The following CTH variants were observed in gnomAD, a reference collection of about 807,000 sequenced individuals.
CTH encodes cystathionine gamma-lyase.
CTH carries 41 observed loss-of-function variants against 50.6 expected under a neutral mutation model. The observed-to-expected ratio is 0.81, with a 90% confidence interval of 0.63 to 1.05. CTH has a LOEUF of 1.05. Ranked by LOEUF, CTH falls within the 50% of genes least tolerant of loss-of-function variation. The pLI, the probability that CTH is intolerant of heterozygous loss-of-function variation, is 0.00. For missense variants in CTH, 470 were observed against 492.6 expected, an observed-to-expected ratio of 0.95 and a Z score of 0.43; for synonymous variants, 156 against 168.9, an observed-to-expected ratio of 0.92 and a Z score of 0.59.
At chr1:70,432,283 A>G (rs369281459) in intron 8 of CTH, 48 bp downstream of exon 8, 2 of 1,599,618 alleles carry the variant, frequency 1.3e-6, no homozygotes, top group African/African-American at 2.7e-5. Flanking sequence ...TTCAGCAGTT[A>G]TCCTGAGCAT....
intron 9 of CTH, among the ~76,000 whole-genome samples, chr1:70,434,167 G>A (rs1399790548): frequency 6.6e-6 from 1 of 152,224 alleles, no homozygotes; most frequent in Non-Finnish European, 1.5e-5. Context: ...ACTACAATCA[G>A]TTTGGAGACA....
Position 70,435,182 on chromosome 1 carries a change from G to A in CTH, c.1052+5G>A, listed in dbSNP as rs752285285. 6 of 1,611,736 alleles carry A rather than the reference G, an allele frequency of 3.7e-6. No homozygotes were observed. The highest frequency in any genetic ancestry group is 5.1e-6 in the Non-Finnish European group (6 of 1,178,660). On this transcript the variant is annotated splice_donor_5th_base_variant and intron_variant, in intron 10 of 11. Coordinates refer to ENST00000370938, the MANE Select transcript of CTH (RefSeq NM_001902.6). ...CGAAAGCCTTGCTGAGCTTCCGTAA[G>A]TATAGTTCTGTTTTTCTCAGTATTT...
intron 5 of CTH, 46 bp downstream of exon 5, chr1:70,424,462 A>T (rs943778889): frequency 6.2e-7 from 1 of 1,611,282 alleles, no homozygotes; most frequent in Non-Finnish European, 8.5e-7. Flanking sequence ...GACCACATAT[A>T]TCTGTAATTA....
At chr1:70,421,530 G>A (rs758744333) in intron 3 of CTH, 36 bp from the exon 4 acceptor site, 1 of 1,597,670 alleles carries the variant, frequency 6.3e-7, no homozygotes, top group Admixed American at 1.7e-5. Context: ...TTAATGCAAT[G>A]TTCTTTTCAT....
At chr1:70,433,180 A>G (rs753736378) in intron 8 of CTH, among the ~76,000 whole-genome samples, 7 of 152,198 alleles carry the variant, frequency 4.6e-5, no homozygotes, top group Non-Finnish European at 1.0e-4. Flanking sequence ...TCTAGAATAT[A>G]TAGAAAAATT....
chr1:70,439,637 A>T lies in CTH; in HGVS notation c.*510A>T, dbSNP rs188241304. 6.3e-6 allele frequency: 1 copy of T among 158,784 alleles called. No homozygotes were observed. The highest frequency in any genetic ancestry group is 1.4e-5 in the Non-Finnish European group (1 of 72,416). 9.8% of individuals were successfully genotyped at this position (158,784 alleles called of 1,614,324 possible). On this transcript the variant is annotated 3_prime_UTR_variant, in exon 12 of 12. Transcript: ENST00000370938. The stretch of plus-strand genomic sequence containing the variant: ...TGAAATTCTACTGATTTAAGACTAT[A>T]CTTAATATTTTTAAAAAAATAAATC...
At chr1:70,411,935 A>G (rs936459675) in intron 1 of CTH, among the ~76,000 whole-genome samples, 1 of 152,244 alleles carries the variant, frequency 6.6e-6, no homozygotes, top group Non-Finnish European at 1.5e-5. Context: ...TCAGCTTAAA[A>G]AATATTAAGG....
At chr1:70,424,481 AGG>A (rs1684302525) in intron 5 of CTH, 65 bp downstream of exon 5, 1 of 1,605,528 alleles carries the variant, frequency 6.2e-7, no homozygotes, top group East Asian at 2.2e-5. Flanking sequence ...TAGGAAAGAA[AGG>A]ACTTGCTTAA....
intron 5 of CTH, among the ~76,000 whole-genome samples, chr1:70,428,138 A>G (rs2101747632): frequency 6.6e-6 from 1 of 152,348 alleles, no homozygotes; most frequent in East Asian, 1.9e-4. Context: ...ACAGACAGAC[A>G]TATATAGCAT....
At chr1:70,417,694 A>G (rs1684123975) in intron 2 of CTH, among the ~76,000 whole-genome samples, 1 of 152,244 alleles carries the variant, frequency 6.6e-6, no homozygotes, top group Non-Finnish European at 1.5e-5. Context: ...GAGAAATATT[A>G]TTACCAAGGC....
At chr1:70,427,211 G>C (rs148442562) in intron 5 of CTH, among the ~76,000 whole-genome samples, 16 of 152,014 alleles carry the variant, frequency 1.1e-4, no homozygotes, top group Admixed American at 1.0e-3. Flanking sequence ...TAAGTCTCAC[G>C]AAAGGCAAAA....
chr1:70,413,396 T>C (rs1684016053), intron 1 of CTH, among the ~76,000 whole-genome samples: 1 of 151,854 alleles, frequency 6.6e-6, no homozygotes, highest in African/African-American at 2.4e-5. Flanking sequence ...CCTAAGTAGC[T>C]GGGATTACAG....
chr1:70,430,731 C>T (rs573576122), intron 7 of CTH, among the ~76,000 whole-genome samples: 187 of 151,436 alleles, frequency 1.2e-3, no homozygotes, highest in African/African-American at 4.3e-3. Flanking sequence ...TTAGTAGAGA[C>T]GGGGTTTCAC....
At chr1:70,432,833 G>A (rs189724987) in intron 8 of CTH, among the ~76,000 whole-genome samples, 25 of 151,962 alleles carry the variant, frequency 1.6e-4, no homozygotes, top group Admixed American at 1.2e-3. Context: ...ACAGGTGCCC[G>A]CCACCACGCC....
chr1:70,423,285 G>T lies in CTH; in HGVS notation c.457-1000G>T, dbSNP rs550958922. Among the ~76,000 whole-genome samples the T allele has an allele frequency of 2.6e-5, 4 of 151,434 alleles. No individual in the cohort carries two copies. The Middle Eastern group carries it at 0.01, about 386-fold the overall frequency. ...ATTTAAATAACAGGTAATAAAAAAAGAATCAGCTGGGCACAGTGGCTCATG... is the reference window on the plus strand; with the variant it reads ...ATTTAAATAACAGGTAATAAAAAAATAATCAGCTGGGCACAGTGGCTCATG... On this transcript the variant is annotated intron_variant, in intron 4 of 11. Transcript: ENST00000370938.
chr1:70,411,507 A>C lies in CTH; in HGVS notation c.92A>C (p.Gln31Pro). The C allele has an allele frequency of 6.2e-7, 1 of 1,614,192 alleles. No homozygotes were observed. Among genetic ancestry groups the C allele is most frequent in the Non-Finnish European group, 8.5e-7 (1 of 1,180,046 alleles). Residue 31 changes from glutamine to proline, a missense_variant, in exon 1 of 12, where the codon CAA becomes CCA. By Grantham distance (76) the Gln-to-Pro change is moderately conservative. Transcript: ENST00000370938. ...ATCCATGTGGGCCAGGATCCAGAGC[A>C]ATGGACCTCCAGGGCTGTAGTGCCC... ...QAIHVGQDPE[Q>P]WTSRAVVPPI...
At chr1:70,417,214 T>G (rs1024986330) in intron 2 of CTH, among the ~76,000 whole-genome samples, 2 of 152,204 alleles carry the variant, frequency 1.3e-5, no homozygotes, top group Non-Finnish European at 2.9e-5. Context: ...AAATATTTAC[T>G]GAATTGCATA....
chr1:70,422,293 A>C (rs1684243290), intron 4 of CTH, among the ~76,000 whole-genome samples: 1 of 152,146 alleles, frequency 6.6e-6, no homozygotes, highest in Non-Finnish European at 1.5e-5. Flanking sequence ...ATGCCACCGG[A>C]AGGTGTTTTG....
chr1:70,435,024 T>A (rs1332962815), intron 9 of CTH, 101 bp from the exon 10 acceptor site: 1 of 1,104,756 alleles, frequency 9.1e-7, no homozygotes, highest in African/African-American at 1.6e-5. Context: ...GTGCTGGGAT[T>A]ACAGGCATGA....
Sources: gnomAD v4.1 joint callset for allele counts (sites outside exome capture counted in the v4.1 genomes callset) on GRCh38, gnomAD v4.1.1 for gene constraint, MANE v1.5 for transcripts, NCBI Gene and HGNC (gene_info 2026-07-23, HGNC 2026-07-21) for gene names.